Variants in TCF20 observed in about 807,000 individuals in gnomAD.
The protein encoded by TCF20 is SPRE-binding protein.
A neutral mutation model predicts 148.6 loss-of-function variants in TCF20; 3 were observed. The observed-to-expected ratio is 0.02, with a 90% CI of 0.01 to 0.05. TCF20 has a LOEUF of 0.05. Ranked by LOEUF, TCF20 falls within the 10% of genes least tolerant of loss-of-function variation. The pLI is 1.00. For missense variants in TCF20, 2,350 were observed against 2,429.3 expected (o/e 0.97, Z 0.69); for synonymous variants, 1,049 against 909.5 (o/e 1.15, Z -2.76).
chr22:42,320,728 C>A (rs775256346), intron 1 of TCF20, among the ~76,000 whole-genome samples: 7 of 152,220 alleles, frequency 4.6e-5, no homozygotes, highest in Non-Finnish European at 1.0e-4. Flanking sequence ...GACCCACAGG[C>A]CTCCCTGGAG....
At chr22:42,205,897 G>A (rs1436618297) in intron 2 of TCF20, among the ~76,000 whole-genome samples, 1 of 152,104 alleles carries the variant, frequency 6.6e-6, no homozygotes, top group African/African-American at 2.4e-5. Context: ...TCAGCCTCCC[G>A]AGTAGCTGGG....
intron 1 of TCF20, among the ~76,000 whole-genome samples, chr22:42,313,597 C>CTTT (rs551146210): frequency 7.3e-4 from 88 of 120,282 alleles, no homozygotes; most frequent in Non-Finnish European, 8.4e-4. Flanking sequence ...AGAATTCTTT[C>CTTT]TTTTTTTTTT....
At chr22:42,305,126 T>G (rs1927409598) in intron 1 of TCF20, among the ~76,000 whole-genome samples, 1 of 152,006 alleles carries the variant, frequency 6.6e-6, no homozygotes, top group African/African-American at 2.4e-5. Context: ...CCCCTCCCCA[T>G]GCAGTCGTAC....
intron 1 of TCF20, among the ~76,000 whole-genome samples, chr22:42,339,786 C>A (rs940958005): frequency 1.3e-5 from 2 of 152,238 alleles, no homozygotes; most frequent in Non-Finnish European, 2.9e-5. Flanking sequence ...AGGCACTTGG[C>A]CAGCCAGGTG....
At chr22:42,224,083 A>C (rs1922624838) in intron 1 of TCF20, among the ~76,000 whole-genome samples, 1 of 152,210 alleles carries the variant, frequency 6.6e-6, no homozygotes, top group Non-Finnish European at 1.5e-5. Context: ...TCTGGGTGTC[A>C]AAACTCATAT....
At chr22:42,293,515 G>A (rs146308345) in intron 1 of TCF20, among the ~76,000 whole-genome samples, 206 of 152,310 alleles carry the variant, frequency 1.4e-3, no homozygotes, top group African/African-American at 4.9e-3. Flanking sequence ...GCGGGGTGAG[G>A]GGGCTCAGCC....
upstream of TCF20, among the ~76,000 whole-genome samples, chr22:42,287,766 C>T (rs145097684): frequency 1.4e-3 from 218 of 152,116 alleles, 1 homozygote; most frequent in Non-Finnish European, 1.2e-3. Context: ...TTTCAAAGGC[C>T]GTTACATTGC....
chr22:42,286,640 A>G (rs1927036654), upstream of TCF20, among the ~76,000 whole-genome samples: 1 of 152,228 alleles, frequency 6.6e-6, no homozygotes, highest in Non-Finnish European at 1.5e-5. Context: ...AGGACAGAAC[A>G]CAGTCTGAGA....
chr22:42,213,497 A>G lies in TCF20; in HGVS notation c.1809T>C (p.Thr603=), dbSNP rs969706804. 6.2e-7 allele frequency: 1 copy of G among 1,614,146 alleles called. No homozygotes were observed. The highest frequency in any genetic ancestry group is 1.6e-4 in the Middle Eastern group (1 of 6,062). ...SDGNPKVNEK[T]VGVIVSREAM... ...CTTCCCGGGAGACAATCACCCCAACAGTCTTCTCATTAACCTTTGGGTTCC... is the reference window on the plus strand; with the variant it reads ...CTTCCCGGGAGACAATCACCCCAACGGTCTTCTCATTAACCTTTGGGTTCC... The change falls in exon 2 of 6, where the codon ACT becomes ACC. Residue 603 remains threonine, a synonymous_variant. Transcript: ENST00000677622.
intron 1 of TCF20, among the ~76,000 whole-genome samples, chr22:42,337,308 C>T (rs1928084056): frequency 6.6e-6 from 1 of 152,262 alleles, no homozygotes; most frequent in Admixed American, 6.5e-5. Flanking sequence ...CCCATACCTC[C>T]CCCTCCTGCC....
In TCF20 at chr22:42,338,552, A is replaced by T. The variant is rs957577988; in HGVS notation, c.-37+4927T>A. On this transcript the variant is annotated intron_variant, in intron 1 of 1. Coordinates refer to the TCF20 transcript ENST00000515426. The surrounding 1 kb of genome is among the most constrained non-coding windows in gnomAD (Gnocchi z 4.0). ...AGGGCTGGGAAAATAATTACCGAGG[A>T]GGCCCGGGAGGGAGGCGGGGAGGCT... Among the ~76,000 whole-genome samples, 7 of 152,272 alleles carry T rather than the reference A, an allele frequency of 4.6e-5. No individual in the cohort carries two copies. The highest frequency in any genetic ancestry group is 1.7e-4 in the African/African-American group (7 of 41,544).
At position 42,299,692 on chromosome 22, in the gene TCF20, G is replaced by T. The variant is rs979075016; in HGVS notation, c.-37+43787C>A. Among the ~76,000 whole-genome samples the T allele has an allele frequency of 2.6e-5, 4 of 152,078 alleles. No individual in the cohort carries two copies. The highest frequency in any genetic ancestry group is 1.3e-4 in the Admixed American group (2 of 15,282). On this transcript the variant is annotated intron_variant, in intron 1 of 1. Coordinates refer to the TCF20 transcript ENST00000515426. The surrounding 1 kb of genome is among the most constrained non-coding windows in gnomAD (Gnocchi z 4.1). ...CCCAACACTTCAAGACCTCCTAGGA[G>T]TGACCTGGCTGGGGTCTCTCTAGGT... is the stretch of plus-strand genomic sequence containing the variant.
At chr22:42,295,591 G>C (rs1569203263) in intron 1 of TCF20, among the ~76,000 whole-genome samples, 1 of 151,958 alleles carries the variant, frequency 6.6e-6, no homozygotes, top group Non-Finnish European at 1.5e-5. Flanking sequence ...TTACAGGCAG[G>C]CACCACCACG....
At chr22:42,166,469 G>A (rs8141165) in intron 5 of TCF20, among the ~76,000 whole-genome samples, 5,891 of 152,214 alleles carry the variant, frequency 0.039, 378 homozygotes, top group African/African-American at 0.13. Flanking sequence ...TTAGCTGGGC[G>A]TGGTGGTGCA....
chr22:42,200,015 ACTTT>A (rs1231356379), intron 2 of TCF20, among the ~76,000 whole-genome samples: 5 of 151,790 alleles, frequency 3.3e-5, no homozygotes, highest in African/African-American at 1.2e-4. Flanking sequence ...TTTTCTCTCC[ACTTT>A]CTTTCAATTT....
chr22:42,222,919 G>A (rs1289711712), intron 1 of TCF20, among the ~76,000 whole-genome samples: 2 of 152,176 alleles, frequency 1.3e-5, no homozygotes, highest in Non-Finnish European at 2.9e-5. Context: ...TTGGGAGGCC[G>A]AGGCAGGCAG....
intron 1 of TCF20, among the ~76,000 whole-genome samples, chr22:42,249,496 G>A (rs1169567717): frequency 1.3e-5 from 2 of 152,070 alleles, no homozygotes; most frequent in Non-Finnish European, 2.9e-5. Flanking sequence ...CTCTTCCCTC[G>A]CAAAAAGGCT....
intron 1 of TCF20, among the ~76,000 whole-genome samples, chr22:42,301,941 G>A (rs1451349081): frequency 1.3e-5 from 2 of 152,198 alleles, no homozygotes; most frequent in African/African-American, 2.4e-5. Flanking sequence ...CCCAGGGCTC[G>A]CAAGTACAGC....
In TCF20 at chr22:42,210,009, T is replaced by A. The variant is rs1920928950; in HGVS notation, c.5297A>T (p.Glu1766Val). 6.2e-7 allele frequency: 1 copy of A among 1,612,756 alleles called. No homozygotes were observed. The highest frequency in any genetic ancestry group is 1.1e-5 in the South Asian group (1 of 91,090). Residue 1766 changes from glutamate to valine, a missense_variant, in exon 2 of 6, where the codon GAG becomes GTG. Coordinates refer to ENST00000677622, the MANE Select transcript of TCF20 (RefSeq NM_001378418.1). This position sits in a 1 kb window ranked among gnomAD's most constrained non-coding sequence, Gnocchi z 4.7. ...CTGCTGCTGCTGCTGCTCTTCCTCC[T>A]CCTCAGTGTCCGTCTTGGAGCCATT... ...ASNGSKTDTEEEEEQQQQQKE... is the reference protein window; with the variant it reads ...ASNGSKTDTEVEEEQQQQQKE...
Sources: allele counts gnomAD v4.1 joint callset (sites outside exome capture counted in the v4.1 genomes callset), GRCh38; gene constraint gnomAD v4.1.1; non-coding constraint Gnocchi (gnomAD v3.1); transcripts MANE v1.5; gene names NCBI Gene and HGNC (gene_info 2026-07-23, HGNC 2026-07-21).